Variants in LINGO2 observed in about 807,000 individuals in gnomAD.
LINGO2 encodes the protein leucine rich repeat and Ig domain containing 2, also known as leucine-rich repeat and immunoglobulin-like domain-containing nogo receptor-interacting protein 2.
LINGO2 carries 14 observed loss-of-function variants against 30.6 expected under a neutral mutation model. The ratio of observed to expected loss-of-function variants is 0.46; its 90% CI spans 0.30 to 0.72. LINGO2 has a LOEUF of 0.72. Among genes scored for constraint, LINGO2 ranks in the 30% least tolerant of loss-of-function variants. The pLI is 0.07. For synonymous variants in LINGO2, 317 were observed against 288.5 expected, an observed-to-expected ratio of 1.10 and a Z score of -1.00; for missense variants, 729 against 751.7, an observed-to-expected ratio of 0.97 and a Z score of 0.35.
chr9:29,213,489 G>A, the LINGO2 span, among the ~76,000 whole-genome samples: 2 of 152,116 alleles, frequency 1.3e-5, no homozygotes, highest in African/African-American at 4.8e-5. Context: ...TGGGCGGGCG[G>A]CGGGCGGCGG....
At chr9:28,395,957 T>A (rs1003803829) in intron 2 of LINGO2, among the ~76,000 whole-genome samples, 1 of 152,176 alleles carries the variant, frequency 6.6e-6, no homozygotes, top group African/African-American at 2.4e-5. Flanking sequence ...TCAATATAGA[T>A]TCCTATCCAT....
chr9:28,192,463 T>C (rs1564031439), intron 4 of LINGO2, among the ~76,000 whole-genome samples: 1 of 152,190 alleles, frequency 6.6e-6, no homozygotes, highest in Non-Finnish European at 1.5e-5. Flanking sequence ...TATTTGGCTA[T>C]ATAACCCTTG....
At chr9:29,166,380 T>C in the LINGO2 span, among the ~76,000 whole-genome samples, 2 of 152,152 alleles carry the variant, frequency 1.3e-5, no homozygotes, top group Admixed American at 6.5e-5. Context: ...TAGGTGTGCA[T>C]AGAGGTATAT....
intron 2 of LINGO2, among the ~76,000 whole-genome samples, chr9:28,409,296 G>A (rs955220490): frequency 1.3e-5 from 2 of 152,034 alleles, no homozygotes; most frequent in African/African-American, 4.8e-5. Flanking sequence ...TCATCTTTCA[G>A]AAACAAAAGC....
At chr9:28,094,528 TGA>T (rs748059897) in intron 4 of LINGO2, among the ~76,000 whole-genome samples, 5,849 of 149,710 alleles carry the variant, frequency 0.039, 341 homozygotes, top group African/African-American at 0.13. Context: ...TGTGTGTGTG[TGA>T]GAGAGAGAGA....
At chr9:28,570,353 T>C (rs1034686457) in intron 1 of LINGO2, among the ~76,000 whole-genome samples, 2 of 151,814 alleles carry the variant, frequency 1.3e-5, no homozygotes, top group Non-Finnish European at 2.9e-5. Flanking sequence ...GAATTGGACA[T>C]TGCAACCCAT....
chr9:29,059,280 G>T, the LINGO2 span, among the ~76,000 whole-genome samples: 1 of 151,426 alleles, frequency 6.6e-6, no homozygotes, highest in African/African-American at 2.4e-5. Flanking sequence ...ACATTAAAAT[G>T]TATACGGAAA....
intron 4 of LINGO2, among the ~76,000 whole-genome samples, chr9:28,241,513 A>G (rs374028805): frequency 2.0e-5 from 3 of 152,198 alleles, no homozygotes; most frequent in East Asian, 3.9e-4. Context: ...CCTGAGAGCC[A>G]CAGGGGGCAG....
At chr9:28,920,699 A>G in the LINGO2 span, among the ~76,000 whole-genome samples, 1 of 146,648 alleles carries the variant, frequency 6.8e-6, no homozygotes, top group Non-Finnish European at 1.5e-5. Context: ...CAAATGTCAG[A>G]GCCGGTGGCC....
At chr9:28,574,587 G>A (rs761055658) in intron 1 of LINGO2, among the ~76,000 whole-genome samples, 5 of 152,170 alleles carry the variant, frequency 3.3e-5, no homozygotes, top group Admixed American at 2.0e-4. Context: ...GCACATTTCC[G>A]GGAGATTACT....
intron 1 of LINGO2, among the ~76,000 whole-genome samples, chr9:28,576,432 C>T (rs563340632): frequency 3.0e-4 from 45 of 152,146 alleles, no homozygotes; most frequent in Non-Finnish European, 5.1e-4. Context: ...ATTCTTCAAG[C>T]GCATAACATA....
chr9:28,706,056 T>C, the LINGO2 span, among the ~76,000 whole-genome samples: 1 of 152,146 alleles, frequency 6.6e-6, no homozygotes, highest in Non-Finnish European at 1.5e-5. Context: ...ATTTCTAAAC[T>C]GAGGGCACAA....
exon 6 of LINGO2, chr9:27,950,445 T>C (rs1278869865): frequency 6.2e-7 from 1 of 1,612,438 alleles, no homozygotes; most frequent in South Asian, 1.1e-5. Flanking sequence ...TGATATGAAT[T>C]CTTCAGGGTT....
At chr9:28,954,235 G>C in the LINGO2 span, among the ~76,000 whole-genome samples, 1 of 152,092 alleles carries the variant, frequency 6.6e-6, no homozygotes, top group African/African-American at 2.4e-5. Flanking sequence ...TTGACTATTA[G>C]TTACACTTTT....
chr9:28,498,222 C>T (rs1016996166), intron 1 of LINGO2, among the ~76,000 whole-genome samples: 11 of 152,160 alleles, frequency 7.2e-5, no homozygotes, highest in African/African-American at 1.4e-4. Context: ...GAGGTTTCTG[C>T]GGCCTTTTGT....
intron 4 of LINGO2, among the ~76,000 whole-genome samples, chr9:28,214,293 T>C (rs571129874): frequency 5.3e-5 from 8 of 151,718 alleles, no homozygotes; most frequent in Non-Finnish European, 5.9e-5. Flanking sequence ...CAGCTGATAA[T>C]AGTGAAAGTT....
chr9:28,992,916 A>G, the LINGO2 span, among the ~76,000 whole-genome samples: 9 of 151,938 alleles, frequency 5.9e-5, no homozygotes, highest in Non-Finnish European at 8.8e-5. Context: ...TAAGCAGGAA[A>G]GATCCAAAAT....
intron 4 of LINGO2, among the ~76,000 whole-genome samples, chr9:28,270,651 A>C (rs1822907051): frequency 6.6e-6 from 1 of 152,156 alleles, no homozygotes; most frequent in South Asian, 2.1e-4. Flanking sequence ...GCTGCAGATC[A>C]CGACTGAATA....
the LINGO2 span, among the ~76,000 whole-genome samples, chr9:28,813,206 G>T: frequency 6.6e-6 from 1 of 151,640 alleles, no homozygotes; most frequent in South Asian, 2.1e-4. Context: ...CAGTAGCCCA[G>T]CCCCCCCCAA....
Sources: allele counts gnomAD v4.1 joint callset (sites outside exome capture counted in the v4.1 genomes callset), GRCh38; gene constraint gnomAD v4.1.1; transcripts MANE v1.5; gene names NCBI Gene and HGNC (gene_info 2026-07-23, HGNC 2026-07-21).